NLGN4X: variants seen among roughly 807,000 people sequenced by gnomAD.
NLGN4X encodes the protein neuroligin 4 X-linked.
Under a neutral mutation model 40.3 loss-of-function variants are expected in NLGN4X, and 3 were observed. The observed-to-expected ratio is 0.07, with a 90% confidence interval of 0.03 to 0.19. The LOEUF (loss-of-function observed/expected upper bound fraction) is 0.19, where lower values mean the gene tolerates loss of function less well. NLGN4X is among the 10% of genes least tolerant of loss of function. NLGN4X has a pLI of 1.00. For missense variants in NLGN4X, 382 were observed against 708.3 expected (o/e 0.54, Z 5.23); for synonymous variants, 270 against 306.8 (o/e 0.88, Z 1.25).
At chrX:6,084,287 A>C (rs926432947) in intron 2 of NLGN4X, among the ~76,000 whole-genome samples, 1 of 111,602 alleles carries the variant, frequency 9.0e-6, no homozygotes, top group South Asian at 3.8e-4. Flanking sequence ...CTGGAGGACA[A>C]AGAACTATAA....
chrX:6,080,894 T>A (rs1039469019), intron 2 of NLGN4X, among the ~76,000 whole-genome samples: 2 of 111,027 alleles, frequency 1.8e-5, no homozygotes, highest in Non-Finnish European at 3.8e-5. Context: ...CAGGGTGGAA[T>A]GTGATCATGG....
chrX:6,012,263 G>A (rs1233008472), intron 3 of NLGN4X, among the ~76,000 whole-genome samples: 1 of 112,487 alleles, frequency 8.9e-6, no homozygotes, highest in Non-Finnish European at 1.9e-5. Context: ...TGTGGCCAAC[G>A]GGGAAAAACG....
intron 2 of NLGN4X, among the ~76,000 whole-genome samples, chrX:6,103,387 T>C (rs192075024): frequency 8.9e-6 from 1 of 111,989 alleles, no homozygotes. Flanking sequence ...CCAACTTCTC[T>C]TGTTCCTTTT....
At chrX:6,004,287 TA>T (rs763160170) in intron 3 of NLGN4X, among the ~76,000 whole-genome samples, 2 of 112,380 alleles carry the variant, frequency 1.8e-5, no homozygotes, top group South Asian at 7.3e-4. Flanking sequence ...CTTGCATACC[TA>T]AAATAAATAC....
intron 3 of NLGN4X, among the ~76,000 whole-genome samples, chrX:5,956,168 T>C (rs1304924656): frequency 9.2e-6 from 1 of 108,160 alleles, no homozygotes; most frequent in African/African-American, 3.3e-5. Flanking sequence ...ATATGAAATA[T>C]ATATATTTAA....
intron 1 of NLGN4X, among the ~76,000 whole-genome samples, chrX:6,209,873 G>C (rs1180476310): frequency 9.0e-6 from 1 of 111,719 alleles, no homozygotes; most frequent in Non-Finnish European, 1.9e-5. Flanking sequence ...GTTTTTTAGA[G>C]ACAGAATCTC....
chrX:5,916,389 A>T (rs2032794922), intron 3 of NLGN4X, among the ~76,000 whole-genome samples: 1 of 112,018 alleles, frequency 8.9e-6, no homozygotes, highest in Admixed American at 9.5e-5. Flanking sequence ...AACACATCTA[A>T]GGTATCTCAA....
chrX:6,073,668 T>C (rs748938905), intron 2 of NLGN4X, among the ~76,000 whole-genome samples: 4 of 111,072 alleles, frequency 3.6e-5, no homozygotes, highest in Non-Finnish European at 7.5e-5. Context: ...AGGACACATT[T>C]ATTAGATCAT....
chrX:5,954,634 GTCTCTCTCTC>G (rs200878268), intron 3 of NLGN4X, among the ~76,000 whole-genome samples: 139 of 94,908 alleles, frequency 1.5e-3, no homozygotes, highest in Non-Finnish European at 2.6e-3. Context: ...CTCTGTCTCT[GTCTCTCTCTC>G]TCTCTCTCTC....
At chrX:6,098,738 T>G (rs1414797050) in intron 2 of NLGN4X, among the ~76,000 whole-genome samples, 1 of 111,490 alleles carries the variant, frequency 9.0e-6, no homozygotes, top group African/African-American at 3.3e-5. Context: ...CCTGGAGTCT[T>G]CGCATGAAAG....
Position 5,903,664 on chromosome X carries a change from T to G in NLGN4X, c.1014A>C (p.Ile338=). ...QQTITPATYH[I]AFGPVIDGDV... is the part of the protein sequence containing the mutation. The stretch of plus-strand genomic sequence containing the variant: ...CGCCGTCGATCACCGGCCCGAAGGC[T>G]ATGTGGTAGGTGGCCGGGGTGATGG... Residue 338 remains isoleucine (I), a synonymous_variant, in exon 5 of 6, where the codon ATA becomes ATC. Coordinates refer to ENST00000381095, the MANE Select transcript of NLGN4X (RefSeq NM_181332.3). 8.3e-7 allele frequency: 1 copy of G among 1,211,862 alleles called. No homozygotes were observed. Among genetic ancestry groups the G allele is most frequent in the Non-Finnish European group, 1.1e-6 (1 of 895,589 alleles).
At chrX:6,152,052 C>T (rs1201467052) in intron 1 of NLGN4X, among the ~76,000 whole-genome samples, 1 of 111,215 alleles carries the variant, frequency 9.0e-6, no homozygotes, top group Non-Finnish European at 1.9e-5. Flanking sequence ...CTGGGCTCAA[C>T]CCATCCTCCC....
At chrX:6,008,641 G>C (rs2036166161) in intron 3 of NLGN4X, among the ~76,000 whole-genome samples, 1 of 111,810 alleles carries the variant, frequency 8.9e-6, no homozygotes, top group African/African-American at 3.2e-5. Context: ...ATTACAAATA[G>C]TCAATTAAAT....
chrX:6,150,904 G>A (rs2040149727), intron 2 of NLGN4X, 91 bp downstream of exon 2: 1 of 726,822 alleles, frequency 1.4e-6, no homozygotes, highest in East Asian at 3.2e-5. Context: ...TTATAGAAGA[G>A]ATCATGCATG....
chrX:6,099,115 A>G (rs958128625), intron 2 of NLGN4X, among the ~76,000 whole-genome samples: 2 of 112,105 alleles, frequency 1.8e-5, no homozygotes, highest in Non-Finnish European at 3.8e-5. Flanking sequence ...CCTGGTGAAG[A>G]AATGCTACAT....
intron 2 of NLGN4X, among the ~76,000 whole-genome samples, chrX:6,114,718 T>A (rs2039237988): frequency 9.0e-6 from 1 of 111,590 alleles, no homozygotes; most frequent in South Asian, 3.7e-4. Context: ...AAGAAAACAC[T>A]GAGGCACAGC....
At chrX:5,893,777 T>C in intron 5 of NLGN4X, 111 bp from the exon 6 acceptor site, 4 of 815,626 alleles carry the variant, frequency 4.9e-6, no homozygotes, top group Non-Finnish European at 7.1e-6. Context: ...TATATATTTA[T>C]CAATGAGCAC....
intron 3 of NLGN4X, among the ~76,000 whole-genome samples, chrX:6,027,653 A>G (rs1476437903): frequency 2.7e-5 from 2 of 74,018 alleles, no homozygotes; most frequent in Admixed American, 1.4e-4. Context: ...TTCACATAGG[A>G]AAAAAAAAAA....
At chrX:6,037,813 T>C (rs1569200933) in intron 2 of NLGN4X, among the ~76,000 whole-genome samples, 1 of 108,731 alleles carries the variant, frequency 9.2e-6, no homozygotes, top group Non-Finnish European at 1.9e-5. Context: ...GTGGATGTGA[T>C]TGATTATTTT....
Sources: gnomAD v4.1 joint callset for allele counts (sites outside exome capture counted in the v4.1 genomes callset) on GRCh38, gnomAD v4.1.1 for gene constraint, MANE v1.5 for transcripts, NCBI Gene and HGNC (gene_info 2026-07-23, HGNC 2026-07-21) for gene names.